The following TNNI3K variants were observed in gnomAD, a reference collection of about 807,000 sequenced individuals.
The protein encoded by TNNI3K is TNNI3 interacting kinase.
A neutral mutation model predicts 114.5 loss-of-function variants in TNNI3K; 140 were observed. The observed-to-expected ratio is 1.22, with a 90% CI of 1.07 to 1.41. TNNI3K has a LOEUF of 1.41. Ranked by LOEUF, TNNI3K falls within the 40% of genes most tolerant of loss-of-function variation. TNNI3K has a pLI of 0.00. For synonymous variants in TNNI3K, 347 were observed against 347.5 expected (o/e 1.00, Z 0.02); for missense variants, 1,125 against 1,007.6 (o/e 1.12, Z -1.58).
intron 17 of TNNI3K, among the ~76,000 whole-genome samples, chr1:74,381,129 T>G (rs1663182919): frequency 6.6e-6 from 1 of 152,172 alleles, no homozygotes; most frequent in Admixed American, 6.6e-5. Context: ...AATGTTAATC[T>G]TCTCTGGCTG....
At chr1:74,446,471 T>G (rs1087088) in intron 20 of TNNI3K, among the ~76,000 whole-genome samples, 34 of 149,220 alleles carry the variant, frequency 2.3e-4, no homozygotes, top group African/African-American at 8.2e-4. Context: ...TTGCGAAAAT[T>G]TTCTCCCATT....
rs368077593 is a variant in TNNI3K at position 74,380,568 on chromosome 1, G to C, written c.1772+10176G>C. 1.1e-4 allele frequency among the ~76,000 whole-genome samples: 16 copies of C among 152,256 alleles called. No homozygotes were observed. In the South Asian group the frequency reaches 1.7e-3, roughly 16 times the overall value. ...TTCAAATGCTTTCCTGTAACTGGTG[G>C]TGAACTCACTGGCCTGCAATTTTCT... On this transcript the variant is annotated intron_variant, in intron 17 of 24. Transcript: ENST00000326637.
chr1:74,342,164 C>T (rs918015203), intron 7 of TNNI3K, among the ~76,000 whole-genome samples: 3 of 152,042 alleles, frequency 2.0e-5, no homozygotes, highest in Non-Finnish European at 2.9e-5. Context: ...TTGCAGTATA[C>T]GGAATTACCC....
At chr1:74,363,168 A>T (rs1374960921) in intron 11 of TNNI3K, among the ~76,000 whole-genome samples, 1 of 152,006 alleles carries the variant, frequency 6.6e-6, no homozygotes, top group Non-Finnish European at 1.5e-5. Context: ...GAGCTCCATT[A>T]AGGTTTATTT....
intron 17 of TNNI3K, among the ~76,000 whole-genome samples, chr1:74,378,435 A>G (rs969164734): frequency 6.6e-6 from 1 of 151,220 alleles, no homozygotes; most frequent in African/African-American, 2.4e-5. Context: ...GTCCCTATCC[A>G]TGATGTTACT....
At chr1:74,449,114 A>G (rs1339912652) in intron 20 of TNNI3K, among the ~76,000 whole-genome samples, 15 of 146,990 alleles carry the variant, frequency 1.0e-4, no homozygotes, top group African/African-American at 3.0e-4. Context: ...TGGTTGGTAA[A>G]CTATTGATTA....
intron 9 of TNNI3K, among the ~76,000 whole-genome samples, chr1:74,349,882 C>T (rs566861618): frequency 3.0e-4 from 45 of 152,194 alleles, no homozygotes; most frequent in African/African-American, 1.1e-3. Flanking sequence ...ATTAGTCTTG[C>T]TAGCGGTCTA....
At chr1:74,467,557 C>T (rs748498995) in intron 21 of TNNI3K, among the ~76,000 whole-genome samples, 47 of 150,860 alleles carry the variant, frequency 3.1e-4, no homozygotes, top group Non-Finnish European at 5.5e-4. Context: ...GAAATTTGGA[C>T]GTGAAATTAT....
At chr1:74,274,849 T>C (rs770131481) in intron 5 of TNNI3K, among the ~76,000 whole-genome samples, 1 of 152,088 alleles carries the variant, frequency 6.6e-6, no homozygotes, top group Non-Finnish European at 1.5e-5. Flanking sequence ...ATTCTACAGC[T>C]GGGCAAAATC....
At chr1:74,307,831 C>A (rs1045888581) in intron 5 of TNNI3K, among the ~76,000 whole-genome samples, 1 of 151,928 alleles carries the variant, frequency 6.6e-6, no homozygotes, top group East Asian at 1.9e-4. Flanking sequence ...GCCTTGGTAG[C>A]ACATGCCTGT....
intron 5 of TNNI3K, among the ~76,000 whole-genome samples, chr1:74,282,055 A>G (rs959805506): frequency 6.6e-6 from 1 of 152,074 alleles, no homozygotes; most frequent in Non-Finnish European, 1.5e-5. Flanking sequence ...TTTTGCTAAT[A>G]TTCATAAGTG....
intron 4 of TNNI3K, among the ~76,000 whole-genome samples, chr1:74,257,764 T>C (rs1164294893): frequency 6.8e-6 from 1 of 146,434 alleles, no homozygotes; most frequent in Non-Finnish European, 1.5e-5. Flanking sequence ...CGCCTCCCGG[T>C]TCAAGCCATT....
chr1:74,291,790 G>A (rs1280562061), intron 5 of TNNI3K, among the ~76,000 whole-genome samples: 2 of 151,472 alleles, frequency 1.3e-5, no homozygotes, highest in African/African-American at 2.4e-5. Flanking sequence ...TTTGCCTTCA[G>A]TATTTAAGTG....
At chr1:74,530,491 A>G (rs777431696) in intron 23 of TNNI3K, among the ~76,000 whole-genome samples, 1 of 152,170 alleles carries the variant, frequency 6.6e-6, no homozygotes, top group Non-Finnish European at 1.5e-5. Context: ...CAGGTATGAA[A>G]CAATTTTGTT....
intron 23 of TNNI3K, among the ~76,000 whole-genome samples, chr1:74,502,029 C>T (rs1021645739): frequency 6.6e-6 from 1 of 152,074 alleles, no homozygotes; most frequent in Non-Finnish European, 1.5e-5. Context: ...TGGCTTTATA[C>T]AGGTGTTTCT....
chr1:74,385,171 A>T (rs957892788), intron 17 of TNNI3K, among the ~76,000 whole-genome samples: 1 of 152,164 alleles, frequency 6.6e-6, no homozygotes, highest in African/African-American at 2.4e-5. Flanking sequence ...ACTTGTATAT[A>T]ATTTTAGAAA....
chr1:74,346,024 GATA>G (rs1192092726), intron 9 of TNNI3K: 6 of 152,176 alleles, frequency 3.9e-5, no homozygotes, highest in African/African-American at 1.4e-4. Flanking sequence ...GGAAAGAACT[GATA>G]ATGAAAGGTC....
In TNNI3K at chr1:74,436,463, C is replaced by T. The variant is rs1666132473; in HGVS notation, c.1826-11C>T. 6.4e-7 allele frequency: 1 copy of T among 1,572,500 alleles called. No individual in the cohort carries two copies. On this transcript the variant is annotated splice_polypyrimidine_tract_variant and intron_variant, in intron 18 of 24. Transcript: ENST00000326637. ...TTTCCTTTGACGTGATTTATTTTCTCTTTCCCTCAGAATCAAGATTTCTAC... is the reference window on the plus strand; with the variant it reads ...TTTCCTTTGACGTGATTTATTTTCTTTTTCCCTCAGAATCAAGATTTCTAC...
At chr1:74,443,443 C>T (rs114429059) in intron 20 of TNNI3K, among the ~76,000 whole-genome samples, 3,446 of 152,082 alleles carry the variant, frequency 0.023, 44 homozygotes, top group Middle Eastern at 0.068. Flanking sequence ...TGTACACCCC[C>T]GCAAGACTGA....
Sources: gnomAD v4.1 joint callset for allele counts (sites outside exome capture counted in the v4.1 genomes callset) on GRCh38, gnomAD v4.1.1 for gene constraint, MANE v1.5 for transcripts, NCBI Gene and HGNC (gene_info 2026-07-23, HGNC 2026-07-21) for gene names.